Variants in RBBP8 observed in about 807,000 individuals in gnomAD.
RBBP8 encodes the protein DNA endonuclease RBBP8.
RBBP8 carries 88 observed loss-of-function variants against 108.3 expected under a neutral mutation model. The ratio of observed to expected loss-of-function variants is 0.81; its 90% CI spans 0.68 to 0.97. RBBP8 has a LOEUF of 0.97. RBBP8 is among the 50% of genes least tolerant of loss of function. RBBP8 has a pLI of 0.00. For missense variants in RBBP8, 1,023 were observed against 1,049.0 expected (o/e 0.98, Z 0.34); for synonymous variants, 332 against 348.2 (o/e 0.95, Z 0.52).
intron 4 of RBBP8, among the ~76,000 whole-genome samples, chr18:22,959,870 C>CTTTTTTTTTTTTTTTTTTTTTTTTT (rs35259762): frequency 1.2e-5 from 1 of 86,410 alleles, no homozygotes. Flanking sequence ...GATGAACTTT[C>CTTTTTTTTTTTTTTTTTTTTTTTTT]TTTTTTTTTT....
intron 14 of RBBP8, among the ~76,000 whole-genome samples, chr18:22,998,871 C>T (rs1212590650): frequency 1.3e-5 from 2 of 152,144 alleles, no homozygotes; most frequent in Admixed American, 6.5e-5. Flanking sequence ...GAAGCCAATA[C>T]CTATTAAAAG....
chr18:22,995,929 T>C (rs1297325983), intron 12 of RBBP8, among the ~76,000 whole-genome samples: 4 of 152,230 alleles, frequency 2.6e-5, no homozygotes, highest in Non-Finnish European at 5.9e-5. Flanking sequence ...TTGGGCCATA[T>C]GCCAATTCTA....
chr18:22,926,743 T>A (rs971957350), intron 3 of RBBP8, among the ~76,000 whole-genome samples: 2 of 152,178 alleles, frequency 1.3e-5, no homozygotes, highest in Non-Finnish European at 2.9e-5. Context: ...CTTCCTTATC[T>A]AAACTGGAAA....
chr18:22,941,452 A>G (rs1598640478), intron 2 of RBBP8, among the ~76,000 whole-genome samples: 1 of 152,246 alleles, frequency 6.6e-6, no homozygotes, highest in Admixed American at 6.5e-5. Context: ...GATTACAGGC[A>G]GGAGCCACTG....
chr18:23,005,604 G>A (rs1040205919), intron 15 of RBBP8, among the ~76,000 whole-genome samples: 5 of 151,900 alleles, frequency 3.3e-5, no homozygotes, highest in Admixed American at 1.3e-4. Context: ...GTAGAGACAG[G>A]GTTTCACCAT....
chr18:23,003,106 A>C (rs2045975111), intron 15 of RBBP8, among the ~76,000 whole-genome samples: 1 of 152,118 alleles, frequency 6.6e-6, no homozygotes, highest in African/African-American at 2.4e-5. Flanking sequence ...GTTTCCTAGA[A>C]TATCCCCAAG....
chr18:22,946,510 A>C, intron 3 of RBBP8, 24 bp downstream of exon 3: 1 of 1,611,142 alleles, frequency 6.2e-7, no homozygotes, highest in South Asian at 1.1e-5. Context: ...TGTAATACTC[A>C]TGTGTTATTT....
At chr18:22,995,085 T>G (rs1311981970) in intron 12 of RBBP8, among the ~76,000 whole-genome samples, 1 of 152,102 alleles carries the variant, frequency 6.6e-6, no homozygotes, top group Non-Finnish European at 1.5e-5. Context: ...GTAGTTCAAG[T>G]GCAGTATTTT....
intron 4 of RBBP8, among the ~76,000 whole-genome samples, chr18:22,955,189 C>G (rs1912403343): frequency 6.6e-6 from 1 of 152,146 alleles, no homozygotes; most frequent in Non-Finnish European, 1.5e-5. Context: ...ACCTTTACAT[C>G]CTCAGGTACA....
chr18:23,016,012 C>T (rs1016673644), intron 16 of RBBP8, among the ~76,000 whole-genome samples: 3 of 152,068 alleles, frequency 2.0e-5, no homozygotes, highest in Admixed American at 6.6e-5. Flanking sequence ...CGGGTTCAAG[C>T]GGTTCTTGTG....
chr18:23,022,618 A>AAAAT (rs1491267399), intron 18 of RBBP8, among the ~76,000 whole-genome samples: 1,063 of 85,076 alleles, frequency 0.012, 54 homozygotes, highest in Middle Eastern at 0.048. Context: ...AAAATAAAAT[A>AAAAT]AAATAAAATA....
At chr18:22,987,519 A>G (rs1383626897) in intron 8 of RBBP8, among the ~76,000 whole-genome samples, 2 of 151,988 alleles carry the variant, frequency 1.3e-5, no homozygotes, top group African/African-American at 4.8e-5. Flanking sequence ...AGTGGCACAA[A>G]CACAGCTCAC....
chr18:22,981,562 C>T (rs542377236), intron 6 of RBBP8, among the ~76,000 whole-genome samples: 204 of 152,270 alleles, frequency 1.3e-3, no homozygotes, highest in African/African-American at 4.2e-3. Context: ...TAGTGCCGGG[C>T]AGTGTAAACA....
intron 2 of RBBP8, among the ~76,000 whole-genome samples, chr18:22,940,821 T>C (rs561890870): frequency 6.6e-6 from 1 of 151,626 alleles, no homozygotes; most frequent in Admixed American, 6.6e-5. Flanking sequence ...TAATTTATTT[T>C]TTTATAGAGA....
chr18:22,924,604 A>T (rs527837475), intron 3 of RBBP8, among the ~76,000 whole-genome samples: 8 of 151,998 alleles, frequency 5.3e-5, no homozygotes, highest in Admixed American at 3.3e-4. Flanking sequence ...TTTATTTTTT[A>T]TAGAAACAAA....
chr18:22,967,282 T>C (rs961224345), intron 4 of RBBP8, among the ~76,000 whole-genome samples: 1 of 149,614 alleles, frequency 6.7e-6, no homozygotes, highest in Non-Finnish European at 1.5e-5. Flanking sequence ...AGGAGAATGG[T>C]GTGAACCCAG....
At chr18:22,985,220 T>C (rs1340253670) in intron 8 of RBBP8, 2 of 203,380 alleles carry the variant, frequency 9.8e-6, no homozygotes, top group Admixed American at 6.5e-5. Flanking sequence ...AAGAAGGCTT[T>C]ACTGTGATTT....
intron 12 of RBBP8, among the ~76,000 whole-genome samples, chr18:22,994,367 G>C (rs1242826452): frequency 6.7e-6 from 1 of 149,470 alleles, no homozygotes; most frequent in East Asian, 2.1e-4. Context: ...TGTTGGCCCG[G>C]TACGGTGGCT....
intron 14 of RBBP8, among the ~76,000 whole-genome samples, chr18:22,999,616 A>T (rs187373905): frequency 5.3e-5 from 8 of 152,136 alleles, no homozygotes; most frequent in Non-Finnish European, 8.8e-5. Context: ...AGAACCGCAC[A>T]TGGAATAGGA....
Sources: allele counts gnomAD v4.1 joint callset (sites outside exome capture counted in the v4.1 genomes callset), GRCh38; gene constraint gnomAD v4.1.1; transcripts MANE v1.5; gene names NCBI Gene and HGNC (gene_info 2026-07-23, HGNC 2026-07-21).